Variants in PFKFB2 observed in about 807,000 individuals in gnomAD.
PFKFB2 encodes the protein 6-phosphofructo-2-kinase/fructose-2,6-biphosphatase 2, also known as 6-phosphofructo-2-kinase/fructose-2,6-bisphosphatase 2.
PFKFB2 carries 53 observed loss-of-function variants against 68.0 expected under a neutral mutation model. The observed-to-expected ratio is 0.78, with a 90% CI of 0.63 to 0.98. PFKFB2 has a LOEUF of 0.98. PFKFB2 is among the 50% of genes least tolerant of loss of function. PFKFB2 has a pLI of 0.00. For missense variants in PFKFB2, 451 were observed against 642.0 expected, an observed-to-expected ratio of 0.70 and a Z score of 3.22; for synonymous variants, 222 against 227.6, an observed-to-expected ratio of 0.98 and a Z score of 0.22.
chr1:207,041,230 A>AC (rs1203492933), intron 1 of PFKFB2, among the ~76,000 whole-genome samples: 51 of 142,030 alleles, frequency 3.6e-4, no homozygotes, highest in Non-Finnish European at 4.8e-4. Flanking sequence ...GCCTGGCCAG[A>AC]TTTTTTTTTT....
At chr1:207,050,377 C>T (rs1682708677), upstream of PFKFB2, among the ~76,000 whole-genome samples, 1 of 152,054 alleles carries the variant, frequency 6.6e-6, no homozygotes, top group Non-Finnish European at 1.5e-5. Flanking sequence ...AGAAAATAGG[C>T]CCTACTTTAT....
intron 10 of PFKFB2, 104 bp from the exon 11 acceptor site, chr1:207,069,320 C>T (rs560140415): frequency 4.5e-5 from 35 of 769,712 alleles, no homozygotes; most frequent in East Asian, 3.0e-4. Flanking sequence ...GTGCCTGGCA[C>T]GTACTAAGAA....
Position 207,074,900 on chromosome 1 carries a change from T to G in PFKFB2, c.*2529T>G. On this transcript the variant is annotated 3_prime_UTR_variant, in exon 15 of 15. Transcript: ENST00000367080. The stretch of plus-strand genomic sequence containing the variant: ...CTATGAGACTACAGGGGTTGGGGGA[T>G]GGGGATGCCCCCACCACCACCAGTG... The G allele has an allele frequency of 1.0e-6, 1 of 985,454 alleles. No individual in the cohort carries two copies. The highest frequency in any genetic ancestry group is 1.1e-4 in the East Asian group (1 of 8,818). 61.0% of individuals were successfully genotyped at this position (985,454 alleles called of 1,614,324 possible).
upstream of PFKFB2, chr1:207,052,176 C>G (rs1682768441): frequency 6.2e-7 from 1 of 1,612,298 alleles, no homozygotes; most frequent in Non-Finnish European, 8.5e-7. Flanking sequence ...TCACTTGGTG[C>G]AAACTCACCT....
At chr1:207,047,708 A>T (rs564770312) in intron 2 of PFKFB2, 1 of 152,790 alleles carries the variant, frequency 6.5e-6, no homozygotes, top group African/African-American at 2.4e-5. Context: ...TAGTCCACTA[A>T]GCAAATGGCT....
rs955191877 is a variant in PFKFB2, at chr1:207,070,820, C to T, written c.1223-368C>T. On this transcript the variant is annotated intron_variant, in intron 12 of 14. Coordinates refer to ENST00000367080, the MANE Select transcript of PFKFB2 (RefSeq NM_006212.2). The surrounding 1 kb of genome is among the most constrained non-coding windows in gnomAD (Gnocchi z 4.2). ...CTTCCATACTTCGCTTCCCGATCTT[C>T]GGGAGCTCCTGGGAAGCCTGCATTG... The T allele has an allele frequency of 5.4e-5, 15 of 276,468 alleles. No individual in the cohort carries two copies. Among genetic ancestry groups the T allele is most frequent in the African/African-American group, 2.0e-4 (9 of 44,576 alleles). 17.1% of individuals were successfully genotyped at this position (276,468 alleles called of 1,614,324 possible).
intron 2 of PFKFB2, chr1:207,044,872 T>A (rs2102320561): frequency 6.6e-6 from 1 of 152,622 alleles, no homozygotes; most frequent in South Asian, 2.1e-4. Context: ...TGTGTATGAA[T>A]CAAGACCTAA....
chr1:207,063,025 T>C lies in PFKFB2; in HGVS notation c.309-118T>C. Reference sequence around the variant, plus strand: ...GTTGAAAGATCTAGTTAGAGAAAGGTTTTGAACAGTGGGAAACTAAGTGGG... The same window carrying C: ...GTTGAAAGATCTAGTTAGAGAAAGGCTTTGAACAGTGGGAAACTAAGTGGG... On this transcript the variant is annotated intron_variant, in intron 4 of 14. Coordinates refer to ENST00000367080, the MANE Select transcript of PFKFB2 (RefSeq NM_006212.2). This position sits in a 1 kb window ranked among gnomAD's most constrained non-coding sequence, Gnocchi z 4.1. 1.1e-6 allele frequency: 1 copy of C among 873,570 alleles called. No individual in the cohort carries two copies. 54.1% of individuals were successfully genotyped at this position (873,570 alleles called of 1,614,324 possible).
upstream of PFKFB2, chr1:207,049,348 T>C: frequency 6.2e-7 from 1 of 1,614,138 alleles, no homozygotes; most frequent in Non-Finnish European, 8.5e-7. Flanking sequence ...TGTCTGTGTA[T>C]CCACTACACA....
intron 2 of PFKFB2, among the ~76,000 whole-genome samples, chr1:207,043,054 G>A (rs920534439): frequency 3.1e-4 from 47 of 149,394 alleles, no homozygotes; most frequent in Admixed American, 2.7e-3. Flanking sequence ...CATCAGAATC[G>A]CCTGGTGGGC....
At chr1:207,065,830 C>T (rs2075864) in intron 8 of PFKFB2, among the ~76,000 whole-genome samples, 1 of 151,704 alleles carries the variant, frequency 6.6e-6, no homozygotes, top group Non-Finnish European at 1.5e-5. Context: ...ACACCTCCAA[C>T]CTGTGACAAC....
downstream of PFKFB2, chr1:207,079,159 C>T (rs967021984): frequency 1.2e-5 from 9 of 724,446 alleles, no homozygotes; most frequent in Admixed American, 1.2e-4. Context: ...CCTGGAGAAA[C>T]GTCACCATAT....
chr1:207,057,325 A>C (rs955678069), intron 2 of PFKFB2, among the ~76,000 whole-genome samples: 3 of 149,336 alleles, frequency 2.0e-5, no homozygotes, highest in African/African-American at 4.9e-5. Context: ...AAAAAAAAAA[A>C]AAACTAGCCG....
chr1:207,045,086 C>A (rs1398236980), intron 2 of PFKFB2: 1 of 152,428 alleles, frequency 6.6e-6, no homozygotes, highest in African/African-American at 2.4e-5. Context: ...TTATTCAAAT[C>A]AAGTGTTTCA....
intron 2 of PFKFB2, among the ~76,000 whole-genome samples, chr1:207,060,177 C>CT (rs924555119): frequency 6.6e-6 from 1 of 152,190 alleles, no homozygotes; most frequent in African/African-American, 2.4e-5. Context: ...TGAGGAACCT[C>CT]TTTTTATGGA....
upstream of PFKFB2, chr1:207,049,123 C>A: frequency 6.2e-7 from 1 of 1,613,902 alleles, no homozygotes; most frequent in Non-Finnish European, 8.5e-7. Flanking sequence ...CAGGGTGAAG[C>A]GGTTGACATC....
rs896050520 is a variant in PFKFB2 at position 207,063,673 on chromosome 1, C to G, written c.451-100C>G. ...GAGGGCCACTTTCATGAAGAAAATCCTGGGAGATGTGGTGGCTGGGTGGGG... is the reference window on the plus strand; with the variant it reads ...GAGGGCCACTTTCATGAAGAAAATCGTGGGAGATGTGGTGGCTGGGTGGGG... On this transcript the variant is annotated intron_variant, in intron 6 of 14. Coordinates refer to ENST00000367080, the MANE Select transcript of PFKFB2 (RefSeq NM_006212.2). The surrounding 1 kb of genome is among the most constrained non-coding windows in gnomAD (Gnocchi z 4.1). 14 of 1,005,114 alleles carry G rather than the reference C, an allele frequency of 1.4e-5. No homozygotes were observed. The African/African-American group carries it at 2.2e-4, about 16-fold the overall frequency. 62.3% of individuals were successfully genotyped at this position (1,005,114 alleles called of 1,614,324 possible).
At chr1:207,055,943 C>A (rs1682907963) in intron 2 of PFKFB2, among the ~76,000 whole-genome samples, 1 of 152,128 alleles carries the variant, frequency 6.6e-6, no homozygotes, top group Non-Finnish European at 1.5e-5. Context: ...GTGCTAAGGG[C>A]AGAATACCCC....
chr1:207,062,013 G>A lies in PFKFB2; in HGVS notation c.146G>A (p.Arg49Gln), dbSNP rs1054562775. The change falls in exon 3 of 15, where the codon CGG (arginine) becomes CAG (glutamine). Residue 49 changes from arginine (R) to glutamine (Q), a missense_variant. Coordinates refer to ENST00000367080, the MANE Select transcript of PFKFB2 (RefSeq NM_006212.2). The part of the protein sequence containing the change: ...TLIVMIGLPA[R>Q]GKTYVSKKLT... ...ATCGTTATGATTGGTTTGCCAGCCC[G>A]GGGTAAAACCTACGTGTCCAAGAAA... The A allele has an allele frequency of 6.2e-6, 10 of 1,614,044 alleles. No homozygotes were observed. The highest frequency in any genetic ancestry group is 2.2e-5 in the East Asian group (1 of 44,894).
Sources: gnomAD v4.1 joint callset for allele counts (sites outside exome capture counted in the v4.1 genomes callset) on GRCh38, gnomAD v4.1.1 for gene constraint, Gnocchi (gnomAD v3.1) non-coding constraint, MANE v1.5 for transcripts, NCBI Gene and HGNC (gene_info 2026-07-23, HGNC 2026-07-21) for gene names.